The following GRK2 variants were observed in gnomAD, a reference collection of about 807,000 sequenced individuals.
GRK2 encodes the protein G protein-coupled receptor kinase 2.
A neutral mutation model predicts 97.8 loss-of-function variants in GRK2; 23 were observed. That is an observed-to-expected ratio of 0.24 (90% CI 0.17 to 0.33). The LOEUF is 0.33. Ranked by LOEUF, GRK2 falls within the 10% of genes least tolerant of loss-of-function variation. GRK2 has a pLI of 1.00. For synonymous variants in GRK2, 425 were observed against 381.7 expected (o/e 1.11, Z -1.32); for missense variants, 633 against 956.9 (o/e 0.66, Z 4.47).
intron 6 of GRK2, 110 bp downstream of exon 6, chr11:67,280,010 A>T: frequency 3.4e-6 from 4 of 1,174,280 alleles, no homozygotes; most frequent in Non-Finnish European, 5.0e-6. Flanking sequence ...CTGAGCAGGC[A>T]GGTGGCTGGC....
chr11:67,279,967 G>T, intron 6 of GRK2, 67 bp downstream of exon 6: 1 of 1,515,598 alleles, frequency 6.6e-7, no homozygotes, highest in Non-Finnish European at 9.2e-7. Flanking sequence ...GGTATGGCTG[G>T]CGTGGAGGGC....
chr11:67,275,227 C>T (rs1279643548), intron 1 of GRK2, among the ~76,000 whole-genome samples: 1 of 152,206 alleles, frequency 6.6e-6, no homozygotes, highest in African/African-American at 2.4e-5. Flanking sequence ...CGGGAGTCCA[C>T]TGCAGCCCTT....
At chr11:67,275,069 G>A (rs373081592) in intron 1 of GRK2, among the ~76,000 whole-genome samples, 6 of 152,162 alleles carry the variant, frequency 3.9e-5, no homozygotes, top group South Asian at 2.1e-4. Context: ...GGAAGAGGCC[G>A]CGGCCCCTCC....
intron 6 of GRK2, 139 bp downstream of exon 6, chr11:67,280,039 C>A (rs1860116558): frequency 1.2e-6 from 1 of 813,152 alleles, no homozygotes; most frequent in Non-Finnish European, 2.0e-6. Context: ...GGCCCCCTTG[C>A]AAGGACTCCT....
In GRK2 at chr11:67,281,005, A is replaced by T. The variant is rs1381805297; in HGVS notation, c.556-88A>T. On this transcript the variant is annotated intron_variant, in intron 7 of 20. Transcript: ENST00000308595. The surrounding 1 kb of genome is among the most constrained non-coding windows in gnomAD (Gnocchi z 5.7). ...AGGACATGGGTATGGGGACCCTGGC[A>T]TGGGGCCAGCCCCTGCTGCCCAGGT... is the stretch of plus-strand genomic sequence containing the variant. The T allele has an allele frequency of 2.4e-6, 3 of 1,273,358 alleles. No homozygotes were observed. The allele number at this position is 1,273,358 out of a possible 1,614,324, so 78.9% of individuals were successfully genotyped here. A position where few individuals can be genotyped will look rare whatever the true frequency, so the allele number is the denominator to read the frequency against.
chr11:67,284,399 C>T, intron 18 of GRK2, 26 bp downstream of exon 18: 3 of 1,608,832 alleles, frequency 1.9e-6, no homozygotes, highest in Non-Finnish European at 2.5e-6. Flanking sequence ...TGCTGCGGCA[C>T]CAGGCCCCTG....
chr11:67,270,307 G>A (rs557478993), intron 1 of GRK2, among the ~76,000 whole-genome samples: 3 of 152,234 alleles, frequency 2.0e-5, no homozygotes, highest in South Asian at 2.1e-4. Context: ...TGCCCTCCCC[G>A]GTGACAGTGG....
In GRK2 at chr11:67,276,842, G is replaced by T. The variant is rs1177893595; in HGVS notation, c.114-430G>T. 6.3e-6 allele frequency: 1 copy of T among 157,898 alleles called. No individual in the cohort carries two copies. Among genetic ancestry groups the T allele is most frequent in the Non-Finnish European group, 1.4e-5 (1 of 71,048 alleles). 9.8% of individuals were successfully genotyped at this position (157,898 alleles called of 1,614,324 possible). Reference sequence around the variant, plus strand: ...CCTCATGTTTTCAAGGCTCATCCACGTTGTGGCCCCTGTTGGTGCCTTGTT... The same window carrying T: ...CCTCATGTTTTCAAGGCTCATCCACTTTGTGGCCCCTGTTGGTGCCTTGTT... On this transcript the variant is annotated intron_variant, in intron 1 of 20. Transcript: ENST00000308595. This position sits in a 1 kb window ranked among gnomAD's most constrained non-coding sequence, Gnocchi z 4.2.
intron 15 of GRK2, 112 bp from the exon 16 acceptor site, chr11:67,283,595 C>T (rs571223670): frequency 5.8e-6 from 6 of 1,039,776 alleles, no homozygotes; most frequent in Non-Finnish European, 8.7e-6. Flanking sequence ...GAGGAAACAG[C>T]TCAGGCTTAA....
At chr11:67,284,136 C>G (rs1590855668) in intron 17 of GRK2, 75 bp from the exon 18 acceptor site, 1 of 1,586,784 alleles carries the variant, frequency 6.3e-7, no homozygotes, top group East Asian at 2.2e-5. Flanking sequence ...GGCCCTGGGT[C>G]TGGGCAGCCT....
In GRK2 at chr11:67,284,339, G is replaced by A. The variant is rs746605890; in HGVS notation, c.1620G>A (p.Lys540=). The A allele has an allele frequency of 3.1e-6, 5 of 1,613,016 alleles. No homozygotes were observed. The Admixed American group carries it at 8.3e-5, about 27-fold the overall frequency. Residue 540 remains lysine, a synonymous_variant, in exon 18 of 21, where the codon AAG becomes AAA. Transcript: ENST00000308595. ...NAETDRLEAR[K]KAKNKQLGHE... is the part of the protein sequence containing the mutation. The stretch of plus-strand genomic sequence containing the variant: ...AGACAGACCGGCTGGAGGCTCGCAA[G>A]AAAGCCAAGAACAAGCAGCTGGGCC...
At chr11:67,283,331 G>A (rs1860196271) in intron 15 of GRK2, 103 bp downstream of exon 15, 2 of 1,065,762 alleles carry the variant, frequency 1.9e-6, no homozygotes, top group African/African-American at 1.6e-5. Flanking sequence ...AGCCTCCTTG[G>A]AGGAGCTCAT....
Position 67,286,454 on chromosome 11 carries a change from C to T in GRK2, c.*1004C>T. 2.9e-6 allele frequency: 2 copies of T among 699,866 alleles called. No individual in the cohort carries two copies. Among genetic ancestry groups the T allele is most frequent in the Admixed American group, 2.0e-5 (1 of 49,712 alleles). 43.4% of individuals were successfully genotyped at this position (699,866 alleles called of 1,614,324 possible). On this transcript the variant is annotated 3_prime_UTR_variant, in exon 21 of 21. Transcript: ENST00000308595. The stretch of plus-strand genomic sequence containing the variant: ...CGGGGCTGGGTTGGCGCACCCTCCC[C>T]TCCCGTCTACTCATTCCCCGGGGCG...
chr11:67,271,862 A>G (rs977472740), intron 1 of GRK2, among the ~76,000 whole-genome samples: 1 of 152,222 alleles, frequency 6.6e-6, no homozygotes, highest in African/African-American at 2.4e-5. Context: ...GCCCCAGGGG[A>G]CTTCCTTCTG....
rs61763968 is a variant in GRK2 at position 67,283,142 on chromosome 11, C to G, written c.1242C>G (p.Pro414=). Residue 414 remains proline, a synonymous_variant, in exon 15 of 21, where the codon CCC becomes CCG. Transcript: ENST00000308595. ...CCTCTCTAAAGGCCGTGGAGCTGCC[C>G]GACTCCTTCTCCCCTGAACTACGCT... The part of the protein sequence containing the change: ...RMTLTMAVEL[P]DSFSPELRSL... 5.9e-5 allele frequency: 96 copies of G among 1,613,902 alleles called. No individual in the cohort carries two copies. The African/African-American group carries it at 1.2e-3, about 20-fold the overall frequency.
chr11:67,286,164 C>T lies in GRK2; in HGVS notation c.*714C>T. 1 of 514,326 alleles carries T rather than the reference C, an allele frequency of 1.9e-6. No homozygotes were observed. Among genetic ancestry groups the T allele is most frequent in the South Asian group, 2.5e-5 (1 of 40,448 alleles). 31.9% of individuals were successfully genotyped at this position (514,326 alleles called of 1,614,324 possible). Reference sequence around the variant, plus strand: ...CAAGGCACCTGCAGGTTGGGCCATACTGGCCTCGCCTGGCCTGAGGTCTCG... The same window carrying T: ...CAAGGCACCTGCAGGTTGGGCCATATTGGCCTCGCCTGGCCTGAGGTCTCG... On this transcript the variant is annotated 3_prime_UTR_variant, in exon 21 of 21. Coordinates refer to ENST00000308595, the MANE Select transcript of GRK2 (RefSeq NM_001619.5).
rs1161281495 is a variant in GRK2 at position 67,285,134 on chromosome 11, C to T, written c.1851C>T (p.Arg617=). Residue 617 remains arginine, a synonymous_variant, in exon 20 of 21, where the codon CGC becomes CGT. Transcript: ENST00000308595. ...TGGAGGAGACGCAGATCAAGGAGCG[C>T]AAGTGCCTGCTCCTCAAGATCCGCG... ...QSVEETQIKE[R]KCLLLKIRGG... 6.2e-7 allele frequency: 1 copy of T among 1,613,474 alleles called. No homozygotes were observed. The highest frequency in any genetic ancestry group is 8.5e-7 in the Non-Finnish European group (1 of 1,179,970).
intron 1 of GRK2, among the ~76,000 whole-genome samples, chr11:67,274,284 T>TA (rs1246670107): frequency 4.6e-5 from 7 of 151,982 alleles, no homozygotes; most frequent in South Asian, 2.1e-4. Context: ...GTGCTGGGAT[T>TA]ACAGGCGTGA....
Position 67,280,778 on chromosome 11 carries a change from A to G in GRK2, c.550A>G (p.Ile184Val), listed in dbSNP as rs758872311. 3.7e-6 allele frequency: 6 copies of G among 1,613,864 alleles called. No individual in the cohort carries two copies. In the Admixed American group the frequency reaches 6.7e-5, roughly 18 times the overall value. The change falls in exon 7 of 21, where the codon ATC (isoleucine) becomes GTC (valine). Residue 184 changes from isoleucine to valine, a missense_variant. Transcript: ENST00000308595. ...FCQWKNVELN[I>V]HLTMNDFSVH... ...CCAGTGGAAGAATGTGGAGCTCAAC[A>G]TCCACGTGAGTGGGCTTGGGTGGGG... is the stretch of plus-strand genomic sequence containing the variant.
Sources: allele counts gnomAD v4.1 joint callset (sites outside exome capture counted in the v4.1 genomes callset), GRCh38; gene constraint gnomAD v4.1.1; non-coding constraint Gnocchi (gnomAD v3.1); transcripts MANE v1.5; gene names NCBI Gene and HGNC (gene_info 2026-07-23, HGNC 2026-07-21).